Variants in SLC26A4 observed in about 807,000 individuals in gnomAD.
The protein encoded by SLC26A4 is pendrin.
In SLC26A4, 93 loss-of-function variants were observed where a neutral mutation model predicts 90.4. The ratio of observed to expected loss-of-function variants is 1.03; its 90% CI spans 0.87 to 1.22. The LOEUF is 1.22. Ranked by LOEUF, SLC26A4 falls within the 50% of genes most tolerant of loss-of-function variation. SLC26A4 has a pLI of 0.00. For missense variants in SLC26A4, 1,127 were observed against 946.2 expected (o/e 1.19, Z -2.51); for synonymous variants, 393 against 354.6 (o/e 1.11, Z -1.22).
At chr7:107,691,108 T>TACAC (rs113420862) in intron 10 of SLC26A4, among the ~76,000 whole-genome samples, 37,971 of 141,162 alleles carry the variant, frequency 0.27, 5,029 homozygotes, top group East Asian at 0.34. Flanking sequence ...CATAGTGCAA[T>TACAC]ACACACACAC....
intron 12 of SLC26A4, among the ~76,000 whole-genome samples, chr7:107,695,666 G>A (rs895949028): frequency 3.3e-5 from 5 of 152,058 alleles, no homozygotes; most frequent in South Asian, 2.1e-4. Context: ...AAAATTAGCC[G>A]GGTTTGGTGG....
intron 18 of SLC26A4, among the ~76,000 whole-genome samples, chr7:107,708,344 T>C (rs1792085069): frequency 6.6e-6 from 1 of 152,198 alleles, no homozygotes; most frequent in African/African-American, 2.4e-5. Flanking sequence ...TACTTTTCTT[T>C]TCTCCTTATC....
intron 8 of SLC26A4, among the ~76,000 whole-genome samples, chr7:107,688,307 C>T (rs1194752016): frequency 6.6e-6 from 1 of 152,102 alleles, no homozygotes; most frequent in African/African-American, 2.4e-5. Context: ...GTCGGGGAGA[C>T]CTTTCATGGC....
rs770707876 is a variant in SLC26A4 at position 107,672,295 on chromosome 7, G to A, written c.415+47G>A. The A allele has an allele frequency of 4.1e-6, 5 of 1,218,594 alleles. No individual in the cohort carries two copies. In the Admixed American group the frequency reaches 5.3e-5, roughly 13 times the overall value. The allele number at this position is 1,218,594 out of a possible 1,614,324, so 75.5% of individuals were successfully genotyped here. A position where few individuals can be genotyped will look rare whatever the true frequency, so the allele number is the denominator to read the frequency against. ...AATTATATTTGCTCATGTTTAAAGT[G>A]TTTTGGCTATATTAAGTGCATTATA... On this transcript the variant is annotated intron_variant, in intron 4 of 20. Transcript: ENST00000644269.
intron 18 of SLC26A4, among the ~76,000 whole-genome samples, chr7:107,706,180 C>T (rs114379138): frequency 1.2e-3 from 179 of 152,316 alleles, no homozygotes; most frequent in African/African-American, 3.6e-3. Context: ...CTATCAAAGA[C>T]GATCATGGTA....
In SLC26A4 at chr7:107,689,124, T is replaced by C. The variant is rs768352393; in HGVS notation, c.1073T>C (p.Val358Ala). 6 of 1,613,790 alleles carry C rather than the reference T, an allele frequency of 3.7e-6. No individual in the cohort carries two copies. In the South Asian group the frequency reaches 4.4e-5, roughly 12 times the overall value. ...EMLAASFSIAVVAYAIAVSVG... is the reference protein window; with the variant it reads ...EMLAASFSIAAVAYAIAVSVG... ...CTGGCTGCATCATTTTCCATCGCTG[T>C]GGTGGCTTATGCTATTGCAGTGTCA... Residue 358 changes from valine to alanine, a missense_variant, in exon 9 of 21, where the codon GTG becomes GCG. Val to Ala is a moderately conservative substitution (Grantham distance 64). Transcript: ENST00000644269.
At chr7:107,690,828 A>C (rs1791546334) in intron 10 of SLC26A4, among the ~76,000 whole-genome samples, 1 of 152,048 alleles carries the variant, frequency 6.6e-6, no homozygotes. Context: ...TGTTGCCTTT[A>C]CAAGGTGGCC....
At position 107,715,562 on chromosome 7, in the gene SLC26A4, A is replaced by G. The variant is rs1792325547; in HGVS notation, c.*116A>G. 1.2e-6 allele frequency: 1 copy of G among 845,928 alleles called. No individual in the cohort carries two copies. The highest frequency in any genetic ancestry group is 2.1e-6 in the Non-Finnish European group (1 of 479,392). The allele number at this position is 845,928 out of a possible 1,614,324, so 52.4% of individuals were successfully genotyped here. A position where few individuals can be genotyped will look rare whatever the true frequency, so the allele number is the denominator to read the frequency against. On this transcript the variant is annotated 3_prime_UTR_variant, in exon 21 of 21. Coordinates refer to ENST00000644269, the MANE Select transcript of SLC26A4 (RefSeq NM_000441.2). ...CTTTTTTCTATTAAGCCATTGAAAG[A>G]GAAGCACTAAGACTGCTTCTAGGCT... is the stretch of plus-strand genomic sequence containing the variant.
At position 107,693,737 on chromosome 7, in the gene SLC26A4, C is replaced by T; in HGVS notation, c.1264-666C>T. 4.0e-6 allele frequency: 4 copies of T among 992,158 alleles called. No individual in the cohort carries two copies. The South Asian group carries it at 1.8e-4, about 45-fold the overall frequency. The allele number at this position is 992,158 out of a possible 1,614,324, so 61.5% of individuals were successfully genotyped here. A position where few individuals can be genotyped will look rare whatever the true frequency, so the allele number is the denominator to read the frequency against. Reference sequence around the variant, plus strand: ...GCTTCCTTTTACCCCTGCTATTGCCCCGTTACTCCATAGTCACTGTTTCAG... The same window carrying T: ...GCTTCCTTTTACCCCTGCTATTGCCTCGTTACTCCATAGTCACTGTTTCAG... On this transcript the variant is annotated intron_variant, in intron 10 of 20. Transcript: ENST00000644269.
rs7784294 is a variant in SLC26A4, at chr7:107,703,753, A to G, written c.2035-578A>G. On this transcript the variant is annotated intron_variant, in intron 17 of 20. Coordinates refer to ENST00000644269, the MANE Select transcript of SLC26A4 (RefSeq NM_000441.2). ...ATTTGTTTTCCTCCATAATTCTCAA[A>G]TTCTCTTTTATTATTGACTATGGGT... Among the ~76,000 whole-genome samples, 812 of 152,330 alleles carry G rather than the reference A, an allele frequency of 5.3e-3. 11 individuals carry two copies. Among genetic ancestry groups the G allele is most frequent in the African/African-American group, 0.018 (753 of 41,568 alleles).
At chr7:107,697,886 T>C (rs1330846919) in intron 13 of SLC26A4, among the ~76,000 whole-genome samples, 156 bp from the exon 14 acceptor site, 6 of 152,194 alleles carry the variant, frequency 3.9e-5, no homozygotes, top group Admixed American at 6.6e-5. Context: ...ACACCAGCTG[T>C]TCATTTCAGA....
In SLC26A4 at chr7:107,691,552, T is replaced by TATATATATATATTCTC. The variant is rs1357072829; in HGVS notation, c.1263+1327_1263+1328insTCTCATATATATATAT. On this transcript the variant is annotated intron_variant, in intron 10 of 20. Transcript: ENST00000644269. ...ACACACACACACACACACAAACATATATATATATATATATTCTCATATATA... is the reference window on the plus strand; with the variant it reads ...ACACACACACACACACACAAACATATATATATATATATTCTCATATATATATATATTCTCATATATA... 9.9e-4 allele frequency among the ~76,000 whole-genome samples: 99 copies of TATATATATATATTCTC among 100,034 alleles called. No individual in the cohort carries two copies. In the East Asian group the frequency reaches 0.027, roughly 27 times the overall value. The allele number at this position is 100,034 out of a possible 152,430, so 65.6% of individuals were successfully genotyped here.
In SLC26A4 at chr7:107,683,394, G is replaced by A. The variant is rs544207367; in HGVS notation, c.918+40G>A. ...TAGTTAGAAAGTTCAGCATTATTTGGTTGACAAACAAGGAATTATTAAAAC... is the reference window on the plus strand; with the variant it reads ...TAGTTAGAAAGTTCAGCATTATTTGATTGACAAACAAGGAATTATTAAAAC... On this transcript the variant is annotated intron_variant, in intron 7 of 20. Transcript: ENST00000644269. 19 of 1,610,826 alleles carry A rather than the reference G, an allele frequency of 1.2e-5. No homozygotes were observed. In the Admixed American group the frequency reaches 1.7e-4, roughly 14 times the overall value.
chr7:107,716,128 T>A lies in SLC26A4; in HGVS notation c.*682T>A, dbSNP rs1792339624. 1 of 152,222 alleles carries A rather than the reference T, an allele frequency of 6.6e-6. No homozygotes were observed. Among genetic ancestry groups the A allele is most frequent in the Non-Finnish European group, 1.5e-5 (1 of 68,050 alleles). 9.4% of individuals were successfully genotyped at this position (152,222 alleles called of 1,614,324 possible). On this transcript the variant is annotated 3_prime_UTR_variant, in exon 21 of 21. Coordinates refer to ENST00000644269, the MANE Select transcript of SLC26A4 (RefSeq NM_000441.2). Reference sequence around the variant, plus strand: ...GAAATAATAAAGAGATTTTCATGGTTTATAAAAATCTTTTTTGATATGATA... The same window carrying A: ...GAAATAATAAAGAGATTTTCATGGTATATAAAAATCTTTTTTGATATGATA...
intron 19 of SLC26A4, among the ~76,000 whole-genome samples, chr7:107,711,579 A>T (rs1792188445): frequency 1.3e-5 from 2 of 152,214 alleles, no homozygotes; most frequent in Admixed American, 1.3e-4. Context: ...TGGGTTGGAC[A>T]TTCCTGGTGG....
At position 107,663,640 on chromosome 7, in the gene SLC26A4, G is replaced by A. The variant is rs1209087838; in HGVS notation, c.304+205G>A. On this transcript the variant is annotated intron_variant, in intron 3 of 20. Coordinates refer to ENST00000644269, the MANE Select transcript of SLC26A4 (RefSeq NM_000441.2). ...AACTGCTGCCCCACTAGGTGCAGAGGTCCAATTTAGAGGCATATACTAGGC... is the reference window on the plus strand; with the variant it reads ...AACTGCTGCCCCACTAGGTGCAGAGATCCAATTTAGAGGCATATACTAGGC... Among the ~76,000 whole-genome samples, 5 of 152,132 alleles carry A rather than the reference G, an allele frequency of 3.3e-5. No homozygotes were observed. The East Asian group carries it at 5.8e-4, about 18-fold the overall frequency.
At chr7:107,704,179 A>G (rs774553709) in intron 17 of SLC26A4, 152 bp from the exon 18 acceptor site, 3 of 603,292 alleles carry the variant, frequency 5.0e-6, no homozygotes, top group African/African-American at 1.9e-5. Context: ...TGTAGTTTGA[A>G]AACCTCCATG....
At chr7:107,711,016 T>C (rs549773095) in intron 19 of SLC26A4, among the ~76,000 whole-genome samples, 2 of 152,350 alleles carry the variant, frequency 1.3e-5, no homozygotes, top group African/African-American at 4.8e-5. Flanking sequence ...TGGCAGTTGA[T>C]TGAAGAAAAC....
At chr7:107,685,697 A>T (rs1791377824) in intron 8 of SLC26A4, among the ~76,000 whole-genome samples, 1 of 152,182 alleles carries the variant, frequency 6.6e-6, no homozygotes, top group African/African-American at 2.4e-5. Flanking sequence ...GGATTCACTC[A>T]TTCTCCCATC....
Sources: gnomAD v4.1 joint callset for allele counts (sites outside exome capture counted in the v4.1 genomes callset) on GRCh38, gnomAD v4.1.1 for gene constraint, MANE v1.5 for transcripts, NCBI Gene and HGNC (gene_info 2026-07-23, HGNC 2026-07-21) for gene names.